Variants in TMPRSS11B observed in about 807,000 individuals in gnomAD.
TMPRSS11B encodes the protein transmembrane serine protease 11B.
Under a neutral mutation model 44.7 loss-of-function variants are expected in TMPRSS11B, and 53 were observed. The ratio of observed to expected loss-of-function variants is 1.19; its 90% confidence interval spans 0.95 to 1.49. TMPRSS11B has a LOEUF of 1.49. TMPRSS11B is among the 40% of genes most tolerant of loss of function. TMPRSS11B has a pLI of 0.00. For synonymous variants in TMPRSS11B, 140 were observed against 159.2 expected, an observed-to-expected ratio of 0.88 and a Z score of 0.91; for missense variants, 526 against 494.8, an observed-to-expected ratio of 1.06 and a Z score of -0.60.
intron 2 of TMPRSS11B, among the ~76,000 whole-genome samples, chr4:68,236,467 G>A (rs1296577056): frequency 1.3e-5 from 2 of 151,974 alleles, no homozygotes; most frequent in Non-Finnish European, 2.9e-5. Flanking sequence ...TTATACCTCT[G>A]CCTCAACATT....
chr4:68,231,807 G>A (rs11943911), intron 6 of TMPRSS11B: 8,126 of 155,284 alleles, frequency 0.052, 283 homozygotes, highest in Non-Finnish European at 0.082. Flanking sequence ...ATACTCTAAA[G>A]AGAATTTATT....
intron 8 of TMPRSS11B, 151 bp downstream of exon 8, chr4:68,229,106 T>A (rs1312095524): frequency 1.0e-6 from 1 of 963,584 alleles, no homozygotes; most frequent in Non-Finnish European, 1.5e-6. Flanking sequence ...GAAGACAATT[T>A]GACATCATGC....
intron 1 of TMPRSS11B, among the ~76,000 whole-genome samples, chr4:68,242,651 C>A (rs1719893507): frequency 6.6e-6 from 1 of 150,530 alleles, no homozygotes; most frequent in Non-Finnish European, 1.5e-5. Flanking sequence ...CTCATTGTAA[C>A]CTCTGCCCCA....
intron 7 of TMPRSS11B, 115 bp downstream of exon 7, chr4:68,231,088 G>C: frequency 2.3e-6 from 2 of 861,830 alleles, no homozygotes; most frequent in East Asian, 6.1e-5. Flanking sequence ...TGTTCTATGT[G>C]ATTGTAAATT....
chr4:68,244,195 C>T (rs1330551047), intron 1 of TMPRSS11B, among the ~76,000 whole-genome samples: 7 of 152,146 alleles, frequency 4.6e-5, no homozygotes, highest in Admixed American at 2.6e-4. Flanking sequence ...CTAAAGGTAG[C>T]ATTTGCATTA....
At chr4:68,231,163 G>A in intron 7 of TMPRSS11B, 40 bp downstream of exon 7, 2 of 1,553,728 alleles carry the variant, frequency 1.3e-6, no homozygotes, top group Non-Finnish European at 1.7e-6. Flanking sequence ...AAATAGTTTT[G>A]CACCTAGCAT....
In TMPRSS11B at chr4:68,235,955, T is replaced by C. The variant is rs1237793221; in HGVS notation, c.308+47A>G. ...TATCTAAAATCAAGGTTGTATGATA[T>C]ATCACCTACTTTCCTTTCATAAAAT... is the stretch of plus-strand genomic sequence containing the variant. On this transcript the variant is annotated intron_variant, in intron 4 of 9. Coordinates refer to ENST00000332644, the MANE Select transcript of TMPRSS11B (RefSeq NM_182502.3). The C allele has an allele frequency of 7.8e-6, 9 of 1,153,162 alleles. No individual in the cohort carries two copies. In the Middle Eastern group the frequency reaches 1.2e-3, roughly 151 times the overall value. The allele number at this position is 1,153,162 out of a possible 1,614,324, so 71.4% of individuals were successfully genotyped here. A position where few individuals can be genotyped will look rare whatever the true frequency, so the allele number is the denominator to read the frequency against.
rs371254373 is a variant in TMPRSS11B, at chr4:68,241,762, C to A, written c.51G>T (p.Thr17=). 1 of 1,613,172 alleles carries A rather than the reference C, an allele frequency of 6.2e-7. No homozygotes were observed. Among genetic ancestry groups the A allele is most frequent in the Admixed American group, 1.7e-5 (1 of 59,920 alleles). The change falls in exon 2 of 10, where the codon ACG becomes ACT. Residue 17 remains threonine (T), a synonymous_variant. Coordinates refer to ENST00000332644, the MANE Select transcript of TMPRSS11B (RefSeq NM_182502.3). ...SSQRSWPLWT[T]IFIFLGVAAI... is the part of the protein sequence containing the mutation. ...CCGCCACTCCAAGAAAAATAAAGAT[C>A]GTAGTCCATAGTGGCCAAGATCTTT...
At chr4:68,244,647 T>C (rs902087683) in intron 1 of TMPRSS11B, among the ~76,000 whole-genome samples, 2 of 152,222 alleles carry the variant, frequency 1.3e-5, no homozygotes, top group Admixed American at 1.3e-4. Context: ...TTAATCAAAA[T>C]GGTGGTGAGT....
In TMPRSS11B at chr4:68,234,612, TTG is replaced by T. The variant is rs1719611836; in HGVS notation, c.318_319del (p.Asn107TrpfsTer19). On this transcript the variant is annotated frameshift_variant, in exon 5 of 10. Transcript: ENST00000332644. LOFTEE classifies it high-confidence loss of function. ...CAGCTGTAACTGCACATTTGAACCA[TTG>T]GCATTAGGCCTAGAAACAACAGAAA... 6.2e-7 allele frequency: 1 copy of T among 1,613,718 alleles called. No individual in the cohort carries two copies. The highest frequency in any genetic ancestry group is 1.3e-5 in the African/African-American group (1 of 74,916).
At chr4:68,229,615 A>G in intron 7 of TMPRSS11B, 99 bp from the exon 8 acceptor site, 1 of 1,116,898 alleles carries the variant, frequency 9.0e-7, no homozygotes, top group South Asian at 1.8e-5. Context: ...AGGTTCCCAA[A>G]CAAAACTATA....
Position 68,231,267 on chromosome 4 carries a change from G to C in TMPRSS11B, c.622C>G (p.His208Asp), listed in dbSNP as rs200090972. Residue 208 changes from histidine to aspartate, a missense_variant, in exon 7 of 10, where the codon CAC becomes GAC. His to Asp is a moderately conservative substitution (Grantham distance 81). Coordinates refer to ENST00000332644, the MANE Select transcript of TMPRSS11B (RefSeq NM_182502.3). ...WQASMQWKGR[H>D]YCGASLISSR... ...CTGATCAGAGAGGCTCCACAGTAGT[G>C]ACGGCCTTTCCATTGCATGCTGGCC... 50 of 1,613,662 alleles carry C rather than the reference G, an allele frequency of 3.1e-5. No individual in the cohort carries two copies. The highest frequency in any genetic ancestry group is 3.9e-5 in the Non-Finnish European group (46 of 1,179,980).
At chr4:68,239,068 T>G (rs1370344738) in intron 2 of TMPRSS11B, among the ~76,000 whole-genome samples, 1 of 152,186 alleles carries the variant, frequency 6.6e-6, no homozygotes, top group Non-Finnish European at 1.5e-5. Flanking sequence ...CACTTGATTT[T>G]TACTGTGGAT....
intron 4 of TMPRSS11B, among the ~76,000 whole-genome samples, 178 bp from the exon 5 acceptor site, chr4:68,234,801 G>A (rs2319794): frequency 0.025 from 3,845 of 152,140 alleles, 149 homozygotes; most frequent in African/African-American, 0.085. Flanking sequence ...CTTCTAGTAC[G>A]TCTAGTTCAG....
chr4:68,227,853 C>A lies in TMPRSS11B; in HGVS notation c.*58G>T. 8 of 1,310,594 alleles carry A rather than the reference C, an allele frequency of 6.1e-6. No homozygotes were observed. The highest frequency in any genetic ancestry group is 5.8e-5 in the Admixed American group (2 of 34,558). The allele number at this position is 1,310,594 out of a possible 1,614,324, so 81.2% of individuals were successfully genotyped here. A position where few individuals can be genotyped will look rare whatever the true frequency, so the allele number is the denominator to read the frequency against. ...CAATCAAAATAAAAAGATCCCAAAGCCACAGATAAGGATAGCCTACAGTGG... is the reference window on the plus strand; with the variant it reads ...CAATCAAAATAAAAAGATCCCAAAGACACAGATAAGGATAGCCTACAGTGG... On this transcript the variant is annotated 3_prime_UTR_variant, in exon 10 of 10. Transcript: ENST00000332644.
Position 68,227,828 on chromosome 4 carries a change from C to T in TMPRSS11B, c.*83G>A, listed in dbSNP as rs373714358. On this transcript the variant is annotated 3_prime_UTR_variant, in exon 10 of 10. Coordinates refer to ENST00000332644, the MANE Select transcript of TMPRSS11B (RefSeq NM_182502.3). ...TATAATAAAATGATTAGTTTACCAA[C>T]AATCAAAATAAAAAGATCCCAAAGC... The T allele has an allele frequency of 4.7e-5, 49 of 1,035,808 alleles. No individual in the cohort carries two copies. In the South Asian group the frequency reaches 1.3e-3, roughly 27 times the overall value. 64.2% of individuals were successfully genotyped at this position (1,035,808 alleles called of 1,614,324 possible). A position where few individuals can be genotyped will look rare whatever the true frequency, so the allele number is the denominator to read the frequency against.
chr4:68,240,813 A>T (rs979787997), intron 2 of TMPRSS11B, among the ~76,000 whole-genome samples: 2 of 152,046 alleles, frequency 1.3e-5, no homozygotes, highest in Admixed American at 1.3e-4. Flanking sequence ...AAACTGTGTA[A>T]TTTTTGCTGA....
rs560714575 is a variant in TMPRSS11B, at chr4:68,244,376, G to A, written c.8+1175C>T. ...ATGGTGACTCATGCCTGTAATCCCA[G>A]CACTTTGGGAGGCCGAGGCAGGCGG... is the stretch of plus-strand genomic sequence containing the variant. On this transcript the variant is annotated intron_variant, in intron 1 of 9. Coordinates refer to ENST00000332644, the MANE Select transcript of TMPRSS11B (RefSeq NM_182502.3). Among the ~76,000 whole-genome samples the A allele has an allele frequency of 2.0e-3, 307 of 152,316 alleles. 1 individual carries two copies. The highest frequency in any genetic ancestry group is 7.0e-3 in the African/African-American group (293 of 41,584).
intron 2 of TMPRSS11B, among the ~76,000 whole-genome samples, chr4:68,238,757 A>G (rs1355646757): frequency 6.6e-6 from 1 of 151,968 alleles, no homozygotes; most frequent in Non-Finnish European, 1.5e-5. Flanking sequence ...AAAACAAAGA[A>G]AAACAAACAA....
Sources: allele counts gnomAD v4.1 joint callset (sites outside exome capture counted in the v4.1 genomes callset), GRCh38; gene constraint gnomAD v4.1.1; transcripts MANE v1.5; gene names NCBI Gene and HGNC (gene_info 2026-07-23, HGNC 2026-07-21).